NEBL: variants seen among roughly 807,000 people sequenced by gnomAD.
The protein encoded by NEBL is LIM and SH3 protein 2.
In NEBL, 122 loss-of-function variants were observed where a neutral mutation model predicts 140.2. The observed-to-expected ratio is 0.87, with a 90% CI of 0.75 to 1.01. NEBL has a LOEUF of 1.01. NEBL is among the 50% of genes least tolerant of loss of function. The probability of loss-of-function intolerance (pLI) is 0.00; values close to 1 mark genes in which losing one functional copy is unlikely to be tolerated. For synonymous variants in NEBL, 436 were observed against 398.9 expected, an observed-to-expected ratio of 1.09 and a Z score of -1.11; for missense variants, 1,365 against 1,231.3, an observed-to-expected ratio of 1.11 and a Z score of -1.62.
intron 4 of NEBL, among the ~76,000 whole-genome samples, chr10:20,960,286 T>C (rs1036850765): frequency 1.3e-5 from 2 of 152,122 alleles, no homozygotes; most frequent in Non-Finnish European, 2.9e-5. Flanking sequence ...GCCAGTGTAA[T>C]AGATCATTGA....
chr10:20,985,784 T>C (rs1837233119), intron 3 of NEBL, among the ~76,000 whole-genome samples: 1 of 152,130 alleles, frequency 6.6e-6, no homozygotes, highest in Non-Finnish European at 1.5e-5. Flanking sequence ...GTGAAAGCTA[T>C]AACGAAAATT....
intron 2 of NEBL, among the ~76,000 whole-genome samples, chr10:21,144,629 G>C (rs1311367961): frequency 6.6e-6 from 1 of 152,126 alleles, no homozygotes; most frequent in Non-Finnish European, 1.5e-5. Flanking sequence ...CAGAGGCTGA[G>C]ACACGAGAAT....
chr10:21,189,108 T>C (rs2132214872), intron 3 of NEBL, among the ~76,000 whole-genome samples: 1 of 152,288 alleles, frequency 6.6e-6, no homozygotes, highest in African/African-American at 2.4e-5. Context: ...ATTTATGGAA[T>C]GGTACCTTAT....
rs921827097 is a variant in NEBL, at chr10:20,828,649, A to G, written c.1672-15T>C. ...TTATACTTTCTCTAAAAACATAAAC[A>G]GTTAATATAAATCTGAAACTATGTG... On this transcript the variant is annotated splice_polypyrimidine_tract_variant and intron_variant, in intron 16 of 27. Transcript: ENST00000377122. The G allele has an allele frequency of 1.3e-5, 19 of 1,487,566 alleles. No individual in the cohort carries two copies. The highest frequency in any genetic ancestry group is 1.8e-5 in the Non-Finnish European group (19 of 1,067,926). The allele number at this position is 1,487,566 out of a possible 1,614,324, so 92.1% of individuals were successfully genotyped here.
At chr10:21,003,003 C>CTTTTTTTTTTTTTTTTTT (rs10539676) in intron 3 of NEBL, among the ~76,000 whole-genome samples, 2 of 127,764 alleles carry the variant, frequency 1.6e-5, no homozygotes, top group African/African-American at 3.0e-5. Flanking sequence ...CATTATGTGG[C>CTTTTTTTTTTTTTTTTTT]TTTTTTTTTT....
intron 4 of NEBL, among the ~76,000 whole-genome samples, chr10:20,932,197 G>A (rs1171369849): frequency 6.6e-6 from 1 of 152,124 alleles, no homozygotes. Flanking sequence ...TCATATATAA[G>A]AATAAGTGCC....
At chr10:21,095,489 A>G (rs1162190259) in intron 2 of NEBL, among the ~76,000 whole-genome samples, 1 of 152,366 alleles carries the variant, frequency 6.6e-6, no homozygotes, top group Non-Finnish European at 1.5e-5. Context: ...TGCTATTAGC[A>G]TAACTGTACC....
At chr10:21,038,527 C>A (rs1297620060) in intron 2 of NEBL, among the ~76,000 whole-genome samples, 3 of 152,218 alleles carry the variant, frequency 2.0e-5, no homozygotes, top group African/African-American at 7.2e-5. Context: ...CATGTCCCTG[C>A]AAAAGACATG....
At chr10:20,911,927 G>A (rs1329503004) in intron 4 of NEBL, among the ~76,000 whole-genome samples, 4 of 152,152 alleles carry the variant, frequency 2.6e-5, no homozygotes, top group Non-Finnish European at 2.9e-5. Context: ...CATTCAGTCT[G>A]TTGCAAAAAT....
Position 21,104,953 on chromosome 10 carries a change from A to G in NEBL, c.164+67430T>C, listed in dbSNP as rs192202786. ...CAAGAATTGATGTTGCGCATAGTAA[A>G]ATGCTTTTCTACACCAATTAAGATA... On this transcript the variant is annotated intron_variant, in intron 2 of 6. Transcript: ENST00000417816. Among the ~76,000 whole-genome samples, 3 of 152,292 alleles carry G rather than the reference A, an allele frequency of 2.0e-5. No individual in the cohort carries two copies. The East Asian group carries it at 5.8e-4, about 29-fold the overall frequency.
rs909142353 is a variant in NEBL, at chr10:21,231,652, G to A, written n.348+16269C>T. ...GGAGAGAACATCAGAGGAAGGTACA[G>A]TGAACAGGGGCATGAAGATCTGGGG... On this transcript the variant is annotated intron_variant and non_coding_transcript_variant, in intron 3 of 8. Transcript: ENST00000675702. Among the ~76,000 whole-genome samples, 5 of 152,304 alleles carry A rather than the reference G, an allele frequency of 3.3e-5. 1 individual carries two copies. In the South Asian group the frequency reaches 1.0e-3, roughly 32 times the overall value.
chr10:21,290,046 G>T (rs2132306226), intron 1 of NEBL, among the ~76,000 whole-genome samples: 1 of 152,274 alleles, frequency 6.6e-6, no homozygotes, highest in East Asian at 1.9e-4. Context: ...CCTGTTATGG[G>T]TGTTTTATAA....
At chr10:21,031,762 C>A (rs577093167) in intron 2 of NEBL, among the ~76,000 whole-genome samples, 1 of 152,220 alleles carries the variant, frequency 6.6e-6, no homozygotes, top group African/African-American at 2.4e-5. Context: ...AAGACCTGAA[C>A]CCCCAAAAGT....
intron 2 of NEBL, among the ~76,000 whole-genome samples, chr10:21,050,203 T>TA (rs1474017039): frequency 6.6e-6 from 1 of 152,246 alleles, no homozygotes; most frequent in Non-Finnish European, 1.5e-5. Flanking sequence ...CATCATTAGA[T>TA]ACGTGCTGAT....
intron 3 of NEBL, among the ~76,000 whole-genome samples, chr10:21,185,025 A>T (rs1841443120): frequency 6.6e-6 from 1 of 152,144 alleles, no homozygotes; most frequent in African/African-American, 2.4e-5. Context: ...ACCTTCTCCC[A>T]TCCTGGCCCC....
chr10:21,073,439 A>G (rs972177622), intron 2 of NEBL, among the ~76,000 whole-genome samples: 1 of 151,794 alleles, frequency 6.6e-6, no homozygotes, highest in Non-Finnish European at 1.5e-5. Flanking sequence ...CAACGTGGTG[A>G]AACCCCATCT....
At chr10:20,793,388 G>A in intron 26 of NEBL, 1 of 973,268 alleles carries the variant, frequency 1.0e-6, no homozygotes. Context: ...TGGAAAGGAA[G>A]GACAGGAGAT....
intron 5 of NEBL, among the ~76,000 whole-genome samples, chr10:20,877,793 T>C (rs1845651369): frequency 2.0e-5 from 3 of 152,182 alleles, no homozygotes; most frequent in Admixed American, 6.5e-5. Context: ...GTGGGCCCTA[T>C]GTAAATCAGA....
chr10:20,864,796 T>A (rs1844098876), intron 7 of NEBL, among the ~76,000 whole-genome samples: 1 of 152,216 alleles, frequency 6.6e-6, no homozygotes, highest in Admixed American at 6.5e-5. Flanking sequence ...TCTGTTATAA[T>A]TGATATACCT....
Sources: gnomAD v4.1 joint callset for allele counts (sites outside exome capture counted in the v4.1 genomes callset) on GRCh38, gnomAD v4.1.1 for gene constraint, MANE v1.5 for transcripts, NCBI Gene and HGNC (gene_info 2026-07-23, HGNC 2026-07-21) for gene names.